LDB2: variants seen among roughly 807,000 people sequenced by gnomAD.
LDB2 encodes LIM domain binding 2.
A neutral mutation model predicts 44.3 loss-of-function variants in LDB2; 12 were observed. The ratio of observed to expected loss-of-function variants is 0.27; its 90% CI spans 0.17 to 0.44. The LOEUF is 0.44. Ranked by LOEUF, LDB2 falls within the 20% of genes least tolerant of loss-of-function variation. LDB2 has a pLI of 1.00. For synonymous variants in LDB2, 164 were observed against 174.8 expected (o/e 0.94, Z 0.49); for missense variants, 344 against 473.5 (o/e 0.73, Z 2.54).
chr4:16,663,328 G>A (rs972786769), intron 2 of LDB2, among the ~76,000 whole-genome samples: 3 of 152,112 alleles, frequency 2.0e-5, no homozygotes, highest in African/African-American at 7.2e-5. Context: ...CAATTTCTGT[G>A]GTGTAAATTC....
At chr4:16,572,582 T>C (rs1413807382) in intron 5 of LDB2, among the ~76,000 whole-genome samples, 2 of 152,170 alleles carry the variant, frequency 1.3e-5, no homozygotes, top group African/African-American at 4.8e-5. Context: ...TTGTTTTGTA[T>C]ATATATGTGT....
Position 16,582,750 on chromosome 4 carries a change from T to C in LDB2, c.615+3172A>G, listed in dbSNP as rs1325226801. ...TCACAGAGGCAGCCTGTAGAGGAAG[T>C]GAGACCGCACTGTGACAGGGCGCCA... On this transcript the variant is annotated intron_variant, in intron 5 of 7. Coordinates refer to ENST00000304523, the MANE Select transcript of LDB2 (RefSeq NM_001290.5). The surrounding 1 kb of genome is among the most constrained non-coding windows in gnomAD (Gnocchi z 4.8). Among the ~76,000 whole-genome samples the C allele has an allele frequency of 6.6e-6, 1 of 152,002 alleles. No homozygotes were observed. Among genetic ancestry groups the C allele is most frequent in the Non-Finnish European group, 1.5e-5 (1 of 67,986 alleles).
chr4:16,795,746 T>TC (rs1776613461), intron 1 of LDB2, among the ~76,000 whole-genome samples: 1 of 151,998 alleles, frequency 6.6e-6, no homozygotes, highest in African/African-American at 2.4e-5. Context: ...CTCAGGAGTC[T>TC]CCCCCACCAC....
rs149205784 is a variant in LDB2 at position 16,863,401 on chromosome 4, A to T, written c.132+34953T>A. Among the ~76,000 whole-genome samples, 12 of 152,258 alleles carry T rather than the reference A, an allele frequency of 7.9e-5. No individual in the cohort carries two copies. The East Asian group carries it at 2.3e-3, about 29-fold the overall frequency. On this transcript the variant is annotated intron_variant, in intron 1 of 7. Transcript: ENST00000304523. The stretch of plus-strand genomic sequence containing the variant: ...TATTAGGTGATGGTTTGAGCCAGGG[A>T]ATTTGTATTTCTTTACTTATCACCT...
chr4:16,798,257 T>C (rs1445811676), intron 1 of LDB2, among the ~76,000 whole-genome samples: 1 of 152,074 alleles, frequency 6.6e-6, no homozygotes, highest in African/African-American at 2.4e-5. Context: ...TTGTGAATAT[T>C]ATTATATGAA....
intron 2 of LDB2, among the ~76,000 whole-genome samples, chr4:16,603,447 C>A (rs1394614453): frequency 6.6e-6 from 1 of 152,112 alleles, no homozygotes; most frequent in East Asian, 1.9e-4. Flanking sequence ...GTGGTATATT[C>A]CCGTGATCTA....
At chr4:16,889,412 CA>C (rs1409049527) in intron 1 of LDB2, 1 of 152,092 alleles carries the variant, frequency 6.6e-6, no homozygotes, top group Non-Finnish European at 1.5e-5. Flanking sequence ...AGGAGATTCC[CA>C]ACAGATTTGC....
At chr4:16,772,113 C>T (rs1293442732) in intron 1 of LDB2, among the ~76,000 whole-genome samples, 1 of 152,132 alleles carries the variant, frequency 6.6e-6, no homozygotes, top group South Asian at 2.1e-4. Context: ...GCGTCCACCA[C>T]CAGTGGATGC....
At chr4:16,600,264 C>G (rs1282709782) in intron 2 of LDB2, among the ~76,000 whole-genome samples, 1 of 152,090 alleles carries the variant, frequency 6.6e-6, no homozygotes, top group Non-Finnish European at 1.5e-5. Context: ...ACTTTAATCC[C>G]TGGAATTAAA....
chr4:16,619,909 A>G (rs1481939220), intron 2 of LDB2, among the ~76,000 whole-genome samples: 2 of 152,166 alleles, frequency 1.3e-5, no homozygotes, highest in Non-Finnish European at 2.9e-5. Flanking sequence ...AAAGAATAAA[A>G]TAAAGATAGC....
At chr4:16,764,840 TGA>T (rs1768843932) in intron 1 of LDB2, among the ~76,000 whole-genome samples, 1 of 152,144 alleles carries the variant, frequency 6.6e-6, no homozygotes, top group Non-Finnish European at 1.5e-5. Flanking sequence ...GGAGGCTGTG[TGA>T]GTTAAGCTAT....
chr4:16,683,506 T>C (rs1175291877), intron 2 of LDB2, among the ~76,000 whole-genome samples: 3 of 152,192 alleles, frequency 2.0e-5, no homozygotes, highest in African/African-American at 4.8e-5. Context: ...GACTGTAATC[T>C]CCAAAGTTTC....
At chr4:16,619,828 A>C (rs1382031215) in intron 2 of LDB2, among the ~76,000 whole-genome samples, 1 of 149,968 alleles carries the variant, frequency 6.7e-6, no homozygotes, top group East Asian at 1.9e-4. Context: ...GCTTCACAGA[A>C]ATTTGGAAGG....
chr4:16,782,156 A>G (rs1048770271), intron 1 of LDB2, among the ~76,000 whole-genome samples: 4 of 152,148 alleles, frequency 2.6e-5, no homozygotes, highest in Admixed American at 2.0e-4. Flanking sequence ...TACCATGTCA[A>G]GCGCTGGCTA....
intron 1 of LDB2, among the ~76,000 whole-genome samples, chr4:16,868,688 A>G (rs1715496440): frequency 6.6e-6 from 1 of 152,232 alleles, no homozygotes; most frequent in Admixed American, 6.5e-5. Flanking sequence ...AGAGTATAAC[A>G]CAGAAGCACT....
intron 1 of LDB2, among the ~76,000 whole-genome samples, chr4:16,865,746 G>A (rs1441962963): frequency 6.6e-6 from 1 of 152,184 alleles, no homozygotes; most frequent in East Asian, 1.9e-4. Context: ...TGACTTTGGA[G>A]AAACAAAGAG....
At chr4:16,759,021 G>T in intron 2 of LDB2, 137 bp downstream of exon 2, 1 of 595,786 alleles carries the variant, frequency 1.7e-6, no homozygotes, top group Admixed American at 2.9e-5. Flanking sequence ...ACAATGACTC[G>T]ATGAGAAGCA....
intron 2 of LDB2, among the ~76,000 whole-genome samples, chr4:16,695,411 G>C (rs1300511295): frequency 1.3e-5 from 2 of 150,152 alleles, no homozygotes; most frequent in East Asian, 2.0e-4. Context: ...AGTGAGCTGA[G>C]ATCACACCGC....
chr4:16,713,528 C>T (rs1298583832), intron 2 of LDB2, among the ~76,000 whole-genome samples: 1 of 152,146 alleles, frequency 6.6e-6, no homozygotes, highest in African/African-American at 2.4e-5. Context: ...CTAACCTCAA[C>T]TGAGTAACAA....
Sources: allele counts gnomAD v4.1 joint callset (sites outside exome capture counted in the v4.1 genomes callset), GRCh38; gene constraint gnomAD v4.1.1; non-coding constraint Gnocchi (gnomAD v3.1); transcripts MANE v1.5; gene names NCBI Gene and HGNC (gene_info 2026-07-23, HGNC 2026-07-21).